The following CPA6 variants were observed in gnomAD, a reference collection of about 807,000 sequenced individuals.
The protein encoded by CPA6 is carboxypeptidase A6, also known as carboxypeptidase B.
In CPA6, 58 loss-of-function variants were observed where a neutral mutation model predicts 63.3. That is an observed-to-expected ratio of 0.92 (90% CI 0.74 to 1.14). The LOEUF (loss-of-function observed/expected upper bound fraction) is 1.14, where lower values mean the gene tolerates loss of function less well. Ranked by LOEUF, CPA6 falls within the 50% of genes most tolerant of loss-of-function variation. The probability of loss-of-function intolerance (pLI) is 0.00; values close to 1 mark genes in which losing one functional copy is unlikely to be tolerated. For missense variants in CPA6, 565 were observed against 526.6 expected (o/e 1.07, Z -0.71); for synonymous variants, 185 against 179.0 (o/e 1.03, Z -0.27).
At chr8:67,713,093 GTGTGTGTATATA>G (rs1817300086) in intron 1 of CPA6, among the ~76,000 whole-genome samples, 1 of 87,986 alleles carries the variant, frequency 1.1e-5, no homozygotes, top group African/African-American at 4.9e-5. Flanking sequence ...ATGTGTGTGT[GTGTGTGTATATA>G]TATATATATA....
intron 2 of CPA6, among the ~76,000 whole-genome samples, chr8:67,613,560 G>C (rs963787927): frequency 2.6e-5 from 4 of 152,192 alleles, no homozygotes; most frequent in Non-Finnish European, 5.9e-5. Flanking sequence ...GTACAAATGT[G>C]GAAATGATTG....
chr8:67,734,047 T>G (rs902912410), intron 1 of CPA6, among the ~76,000 whole-genome samples: 8 of 8,266 alleles, frequency 9.7e-4, no homozygotes, highest in Non-Finnish European at 3.8e-3. Context: ...CAAACTTAAT[T>G]TTTTTTTTTT....
At chr8:67,523,106 G>A (rs559297292) in intron 2 of CPA6, among the ~76,000 whole-genome samples, 2 of 152,338 alleles carry the variant, frequency 1.3e-5, no homozygotes, top group South Asian at 2.1e-4. Flanking sequence ...CTTGTAGGCT[G>A]TTTTACTGCA....
chr8:67,480,353 C>T (rs1347008074), intron 8 of CPA6, among the ~76,000 whole-genome samples: 1 of 152,018 alleles, frequency 6.6e-6, no homozygotes, highest in African/African-American at 2.4e-5. Flanking sequence ...CCCTAATTTT[C>T]CCCTCTCCTC....
chr8:67,653,101 T>G (rs1456175862), intron 1 of CPA6, among the ~76,000 whole-genome samples: 1 of 152,072 alleles, frequency 6.6e-6, no homozygotes, highest in Non-Finnish European at 1.5e-5. Context: ...TTGATCTATA[T>G]CTCTGTTTTG....
At chr8:67,519,462 G>A (rs1812216227) in intron 2 of CPA6, among the ~76,000 whole-genome samples, 1 of 152,270 alleles carries the variant, frequency 6.6e-6, no homozygotes. Flanking sequence ...CTTCACTTAA[G>A]TATCAGTGCC....
intron 8 of CPA6, among the ~76,000 whole-genome samples, chr8:67,483,014 C>T (rs908605314): frequency 2.6e-5 from 4 of 152,082 alleles, no homozygotes; most frequent in Non-Finnish European, 5.9e-5. Context: ...GTGGACTAGG[C>T]CTCATTTCTA....
intron 2 of CPA6, among the ~76,000 whole-genome samples, chr8:67,546,932 C>A (rs1337626380): frequency 2.6e-5 from 4 of 152,220 alleles, no homozygotes; most frequent in African/African-American, 9.6e-5. Context: ...ACAAGCAATT[C>A]TTCTGCCTCA....
At chr8:67,423,593 G>T (rs954984747) in intron 10 of CPA6, among the ~76,000 whole-genome samples, 1 of 152,054 alleles carries the variant, frequency 6.6e-6, no homozygotes, top group Non-Finnish European at 1.5e-5. Context: ...GCTTTTGTTT[G>T]GCTCATCCTC....
At chr8:67,426,226 T>C (rs28758628) in intron 10 of CPA6, among the ~76,000 whole-genome samples, 13,434 of 152,276 alleles carry the variant, frequency 0.088, 2,000 homozygotes, top group African/African-American at 0.3. Context: ...GCTTTGGCCT[T>C]GCAAAGTGCT....
In CPA6 at chr8:67,475,902, CTTT is replaced by C. The variant is rs1811214870; in HGVS notation, c.838+7863_838+7865del. Reference sequence around the variant, plus strand: ...TTCTCCTTTCTTTCTTTCTTTCTTTCTTTCTTTCTTTCTTTCTTTCTTTCTTTC... The same window carrying C: ...TTCTCCTTTCTTTCTTTCTTTCTTTCCTTTCTTTCTTTCTTTCTTTCTTTC... On this transcript the variant is annotated intron_variant, in intron 8 of 10. Coordinates refer to ENST00000297770, the MANE Select transcript of CPA6 (RefSeq NM_020361.5). Among the ~76,000 whole-genome samples, 2 of 88,168 alleles carry C rather than the reference CTTT, an allele frequency of 2.3e-5. 1 individual carries two copies. The highest frequency in any genetic ancestry group is 4.5e-5 in the Non-Finnish European group (2 of 44,438). 57.8% of individuals were successfully genotyped at this position (88,168 alleles called of 152,430 possible).
At chr8:67,730,482 G>A (rs1013168965) in intron 1 of CPA6, among the ~76,000 whole-genome samples, 3 of 152,098 alleles carry the variant, frequency 2.0e-5, no homozygotes, top group African/African-American at 7.2e-5. Context: ...GGTTATGAGG[G>A]CACAATTGAT....
At chr8:67,434,881 C>A (rs1317354423) in intron 8 of CPA6, among the ~76,000 whole-genome samples, 2 of 152,238 alleles carry the variant, frequency 1.3e-5, no homozygotes, top group African/African-American at 4.8e-5. Context: ...CCCTCCTGAC[C>A]CCCCAAGTGG....
chr8:67,742,400 G>A (rs1817929999), intron 1 of CPA6, among the ~76,000 whole-genome samples: 1 of 152,140 alleles, frequency 6.6e-6, no homozygotes, highest in Non-Finnish European at 1.5e-5. Context: ...ATAAGTGGCA[G>A]AGTGAGAAGT....
chr8:67,551,977 T>A (rs1332867131), intron 2 of CPA6, among the ~76,000 whole-genome samples: 1 of 152,242 alleles, frequency 6.6e-6, no homozygotes, highest in African/African-American at 2.4e-5. Flanking sequence ...GCATTTCTGA[T>A]CATCTGATGT....
In CPA6 at chr8:67,708,379, CTT is replaced by C. The variant is rs1247937670; in HGVS notation, c.116+37633_116+37634del. Among the ~76,000 whole-genome samples the C allele has an allele frequency of 2.6e-5, 4 of 152,074 alleles. No individual in the cohort carries two copies. In the East Asian group the frequency reaches 7.7e-4, roughly 29 times the overall value. On this transcript the variant is annotated intron_variant, in intron 1 of 10. Coordinates refer to ENST00000297770, the MANE Select transcript of CPA6 (RefSeq NM_020361.5). The stretch of plus-strand genomic sequence containing the variant: ...TTATGTTTCAAGAACAATTGTATAC[CTT>C]TTATTAGATTCTAATAAATCTATTA...
chr8:67,445,993 G>A (rs182608084), intron 8 of CPA6, among the ~76,000 whole-genome samples: 29 of 152,264 alleles, frequency 1.9e-4, no homozygotes, highest in East Asian at 1.2e-3. Context: ...GGCCGGGGGC[G>A]GTGGCTCACG....
intron 1 of CPA6, among the ~76,000 whole-genome samples, chr8:67,662,547 CACACGTATATGTATATATAGAATACAT>C: frequency 7.0e-6 from 1 of 143,548 alleles, no homozygotes; most frequent in African/African-American, 2.7e-5. Flanking sequence ...AGAATACATA[CACACGTATATGTATATATAGAATACAT>C]ACACATGTAT....
chr8:67,680,243 T>C (rs1033557585), intron 1 of CPA6, among the ~76,000 whole-genome samples: 2 of 152,212 alleles, frequency 1.3e-5, no homozygotes, highest in Admixed American at 1.3e-4. Context: ...GGGTCATGTC[T>C]GTAATTCCAG....
Sources: allele counts gnomAD v4.1 joint callset (sites outside exome capture counted in the v4.1 genomes callset), GRCh38; gene constraint gnomAD v4.1.1; transcripts MANE v1.5; gene names NCBI Gene and HGNC (gene_info 2026-07-23, HGNC 2026-07-21).